Variants in FBXO4 observed in about 807,000 individuals in gnomAD.
FBXO4 encodes F-box protein 4.
FBXO4 carries 36 observed loss-of-function variants against 43.7 expected under a neutral mutation model. The observed-to-expected ratio is 0.82, with a 90% confidence interval of 0.63 to 1.09. The LOEUF is 1.09. FBXO4 is among the 50% of genes least tolerant of loss of function. The probability of loss-of-function intolerance (pLI) is 0.00; values close to 1 mark genes in which losing one functional copy is unlikely to be tolerated. For missense variants in FBXO4, 435 were observed against 474.1 expected (o/e 0.92, Z 0.77); for synonymous variants, 180 against 165.6 (o/e 1.09, Z -0.67).
the FBXO4 span, among the ~76,000 whole-genome samples, chr5:41,996,347 A>G: frequency 3.3e-5 from 5 of 152,204 alleles, no homozygotes. Flanking sequence ...TTTCCACCAA[A>G]GCCCAGTAAC....
chr5:42,039,472 C>A, the FBXO4 span, among the ~76,000 whole-genome samples: 4 of 152,044 alleles, frequency 2.6e-5, no homozygotes, highest in African/African-American at 9.7e-5. Context: ...CAGACATGTT[C>A]CTACCTGTGG....
At chr5:41,955,643 C>T in the FBXO4 span, among the ~76,000 whole-genome samples, 15 of 152,202 alleles carry the variant, frequency 9.9e-5, no homozygotes, top group Admixed American at 3.3e-4. Flanking sequence ...GTTCATAGGG[C>T]GGAGTAGACA....
chr5:41,975,082 C>T, the FBXO4 span, among the ~76,000 whole-genome samples: 2 of 152,164 alleles, frequency 1.3e-5, no homozygotes, highest in Non-Finnish European at 2.9e-5. Context: ...CAGGCTTTTT[C>T]ATGAGTGCTA....
At chr5:42,013,544 G>A in the FBXO4 span, among the ~76,000 whole-genome samples, 2 of 152,138 alleles carry the variant, frequency 1.3e-5, no homozygotes, top group African/African-American at 4.8e-5. Flanking sequence ...CGTTTAGTCA[G>A]TCGCTACACA....
the FBXO4 span, among the ~76,000 whole-genome samples, chr5:41,991,797 G>A: frequency 3.9e-5 from 6 of 152,108 alleles, no homozygotes; most frequent in African/African-American, 1.2e-4. Flanking sequence ...TATACCTTCC[G>A]GCCGGGCACA....
In FBXO4 at chr5:41,934,320, T is replaced by A; in HGVS notation, c.898+12T>A. On this transcript the variant is annotated intron_variant, in intron 5 of 6. Coordinates refer to ENST00000281623, the MANE Select transcript of FBXO4 (RefSeq NM_012176.3). Reference sequence around the variant, plus strand: ...TGAAGCTCATAAAAGTAAGTACTCATATGTACATTTTTAAGCACATTGTTC... The same window carrying A: ...TGAAGCTCATAAAAGTAAGTACTCAAATGTACATTTTTAAGCACATTGTTC... The A allele has an allele frequency of 3.1e-6, 5 of 1,613,936 alleles. No individual in the cohort carries two copies. Among genetic ancestry groups the A allele is most frequent in the Non-Finnish European group, 4.2e-6 (5 of 1,179,982 alleles).
chr5:42,040,010 A>C, the FBXO4 span, among the ~76,000 whole-genome samples: 1 of 152,128 alleles, frequency 6.6e-6, no homozygotes, highest in East Asian at 1.9e-4. Flanking sequence ...AGATGAAACC[A>C]GCTCTGGCTG....
chr5:41,933,213 C>T (rs1561169781), intron 3 of FBXO4, among the ~76,000 whole-genome samples: 1 of 151,994 alleles, frequency 6.6e-6, no homozygotes, highest in African/African-American at 2.4e-5. Context: ...CTTGGCAACT[C>T]CTCAGTAATT....
At chr5:42,034,587 G>C in the FBXO4 span, among the ~76,000 whole-genome samples, 1 of 152,126 alleles carries the variant, frequency 6.6e-6, no homozygotes, top group African/African-American at 2.4e-5. Flanking sequence ...CATATGGCTA[G>C]ATTGTTTTCC....
At chr5:41,978,201 T>C in the FBXO4 span, among the ~76,000 whole-genome samples, 1 of 152,000 alleles carries the variant, frequency 6.6e-6, no homozygotes, top group Non-Finnish European at 1.5e-5. Context: ...TTTTGAACTA[T>C]AAGAGCAAGA....
chr5:42,022,379 T>G, the FBXO4 span, among the ~76,000 whole-genome samples: 1 of 152,180 alleles, frequency 6.6e-6, no homozygotes. Context: ...AAAACTATAG[T>G]GAATTTTCAG....
At chr5:41,944,155 C>T (rs562694753), downstream of FBXO4, among the ~76,000 whole-genome samples, 7 of 152,214 alleles carry the variant, frequency 4.6e-5, no homozygotes, top group Admixed American at 2.6e-4. Flanking sequence ...AAATGGTAAC[C>T]GAATGCTATT....
At chr5:41,966,804 C>T in the FBXO4 span, among the ~76,000 whole-genome samples, 1 of 152,070 alleles carries the variant, frequency 6.6e-6, no homozygotes, top group African/African-American at 2.4e-5. Context: ...AGGAATAGCA[C>T]TAGAGAAGTG....
chr5:41,954,525 G>T, the FBXO4 span, among the ~76,000 whole-genome samples: 1 of 152,106 alleles, frequency 6.6e-6, no homozygotes, highest in African/African-American at 2.4e-5. Flanking sequence ...TAATCATAAT[G>T]CATCATCTAC....
the FBXO4 span, among the ~76,000 whole-genome samples, chr5:41,965,949 A>G: frequency 9.8e-5 from 15 of 152,324 alleles, no homozygotes; most frequent in Middle Eastern, 3.4e-3. Flanking sequence ...GACATACACC[A>G]TGGAATACTA....
chr5:41,939,834 ATTTTTTTT>A (rs60238550), intron 6 of FBXO4, among the ~76,000 whole-genome samples: 1 of 79,306 alleles, frequency 1.3e-5, no homozygotes, highest in Admixed American at 1.5e-4. Flanking sequence ...ACAATTGGGG[ATTTTTTTT>A]TTTTTTTTTT....
the FBXO4 span, among the ~76,000 whole-genome samples, chr5:41,958,516 A>G: frequency 6.6e-6 from 1 of 152,168 alleles, no homozygotes; most frequent in Non-Finnish European, 1.5e-5. Context: ...CCTCTTGTCT[A>G]ACCGAAATTT....
chr5:41,937,659 G>A (rs1751882916), intron 5 of FBXO4, among the ~76,000 whole-genome samples: 1 of 152,098 alleles, frequency 6.6e-6, no homozygotes, highest in African/African-American at 2.4e-5. Flanking sequence ...AATTTTTAAA[G>A]AACAGAAATT....
chr5:42,017,811 C>A, the FBXO4 span, among the ~76,000 whole-genome samples: 3 of 151,578 alleles, frequency 2.0e-5, no homozygotes, highest in Non-Finnish European at 2.9e-5. Context: ...GTATTCCATG[C>A]TATGCACCGC....
Sources: allele counts gnomAD v4.1 joint callset (sites outside exome capture counted in the v4.1 genomes callset), GRCh38; gene constraint gnomAD v4.1.1; transcripts MANE v1.5; gene names NCBI Gene and HGNC (gene_info 2026-07-23, HGNC 2026-07-21).